SNTB1: variants seen among roughly 807,000 people sequenced by gnomAD.
The protein encoded by SNTB1 is syntrophin beta 1.
SNTB1 carries 36 observed loss-of-function variants against 48.9 expected under a neutral mutation model. The ratio of observed to expected loss-of-function variants is 0.74; its 90% CI spans 0.56 to 0.97. The LOEUF (loss-of-function observed/expected upper bound fraction) is 0.97, where lower values mean the gene tolerates loss of function less well. SNTB1 is among the 50% of genes least tolerant of loss of function. The pLI is 0.00. For missense variants in SNTB1, 786 were observed against 703.4 expected (o/e 1.12, Z -1.33); for synonymous variants, 299 against 294.6 (o/e 1.01, Z -0.15).
chr8:120,706,625 G>A (rs933379323), intron 1 of SNTB1, among the ~76,000 whole-genome samples: 34 of 152,114 alleles, frequency 2.2e-4, no homozygotes, highest in African/African-American at 8.0e-4. Flanking sequence ...TGAGTAACAG[G>A]CAGAAAGGAT....
intron 3 of SNTB1, among the ~76,000 whole-genome samples, chr8:120,604,525 C>T (rs555154250): frequency 6.6e-6 from 1 of 150,438 alleles, no homozygotes; most frequent in East Asian, 2.0e-4. Flanking sequence ...GTGATCTCGA[C>T]TCACTGCAAC....
intron 5 of SNTB1, 95 bp from the exon 6 acceptor site, chr8:120,542,095 G>A (rs1442706715): frequency 1.0e-5 from 8 of 783,968 alleles, no homozygotes; most frequent in South Asian, 7.1e-5. Context: ...CAGTCCCAGC[G>A]ATCAGCTACG....
At chr8:120,664,561 A>G (rs955391297) in intron 2 of SNTB1, among the ~76,000 whole-genome samples, 2 of 152,190 alleles carry the variant, frequency 1.3e-5, no homozygotes, top group African/African-American at 2.4e-5. Context: ...TATTTCACAC[A>G]GCATAATTGT....
rs759383778 is a variant in SNTB1, at chr8:120,537,781, C to A, written c.*1096G>T. On this transcript the variant is annotated 3_prime_UTR_variant, in exon 7 of 7. Coordinates refer to ENST00000517992, the MANE Select transcript of SNTB1 (RefSeq NM_021021.4). ...ATATTCCTGTAGAAAGATATCAGGT[C>A]GTTATATTATTTCCCTGGAATTCTG... is the stretch of plus-strand genomic sequence containing the variant. The A allele has an allele frequency of 6.6e-6, 1 of 152,106 alleles. No individual in the cohort carries two copies. Among genetic ancestry groups the A allele is most frequent in the Non-Finnish European group, 1.5e-5 (1 of 68,022 alleles). The allele number at this position is 152,106 out of a possible 1,614,324, so 9.4% of individuals were successfully genotyped here.
At chr8:120,696,241 A>C (rs1190189857) in intron 1 of SNTB1, among the ~76,000 whole-genome samples, 1 of 152,214 alleles carries the variant, frequency 6.6e-6, no homozygotes, top group African/African-American at 2.4e-5. Context: ...TGAGTGTTGC[A>C]GGAGTGAGAA....
chr8:120,721,877 T>TCCCTCCCCCCCCCCCCCCCC (rs1563580227), intron 1 of SNTB1, among the ~76,000 whole-genome samples: 1 of 142,186 alleles, frequency 7.0e-6, no homozygotes, highest in South Asian at 2.2e-4. Flanking sequence ...CCCAATGCTA[T>TCCCTCCCCCCCCCCCCCCCC]CCCCTCCCCC....
intron 1 of SNTB1, among the ~76,000 whole-genome samples, chr8:120,706,426 C>T (rs6989022): frequency 0.13 from 20,019 of 152,014 alleles, 1,574 homozygotes; most frequent in African/African-American, 0.24. Flanking sequence ...AAAATTTCTA[C>T]AGAATATGAT....
intron 1 of SNTB1, among the ~76,000 whole-genome samples, chr8:120,707,678 G>T (rs980305455): frequency 6.6e-6 from 1 of 152,094 alleles, no homozygotes; most frequent in Non-Finnish European, 1.5e-5. Context: ...GGCAAATCGA[G>T]GTTCATAGAG....
At chr8:120,754,881 T>C (rs1819287352) in intron 1 of SNTB1, among the ~76,000 whole-genome samples, 1 of 152,086 alleles carries the variant, frequency 6.6e-6, no homozygotes, top group Non-Finnish European at 1.5e-5. Flanking sequence ...TTATGGACTG[T>C]AGAGTTGTAA....
intron 1 of SNTB1, among the ~76,000 whole-genome samples, chr8:120,731,294 C>T (rs575103185): frequency 1.3e-5 from 2 of 152,204 alleles, no homozygotes; most frequent in Admixed American, 1.3e-4. Context: ...TCTTAGCTCT[C>T]TTGTTTTTTC....
At chr8:120,582,355 G>A (rs1048040500) in intron 3 of SNTB1, among the ~76,000 whole-genome samples, 1 of 152,024 alleles carries the variant, frequency 6.6e-6, no homozygotes, top group Non-Finnish European at 1.5e-5. Context: ...AATGGTCTCA[G>A]CTTTCACCTT....
At chr8:120,590,089 A>G (rs956154698) in intron 3 of SNTB1, among the ~76,000 whole-genome samples, 2 of 152,198 alleles carry the variant, frequency 1.3e-5, no homozygotes, top group Admixed American at 6.5e-5. Context: ...ATTCCTATGG[A>G]CAGGCTCATC....
intron 1 of SNTB1, among the ~76,000 whole-genome samples, chr8:120,763,578 C>T (rs1819462352): frequency 6.6e-6 from 1 of 152,078 alleles, no homozygotes; most frequent in Non-Finnish European, 1.5e-5. Flanking sequence ...AACTTGACTA[C>T]ATAACAGTTA....
chr8:120,763,637 T>G (rs892870092), intron 1 of SNTB1, among the ~76,000 whole-genome samples: 9 of 152,110 alleles, frequency 5.9e-5, no homozygotes, highest in African/African-American at 2.2e-4. Flanking sequence ...AAAAACCAAA[T>G]GGGAAACATT....
chr8:120,755,190 G>A (rs368095207), intron 1 of SNTB1, among the ~76,000 whole-genome samples: 33 of 149,966 alleles, frequency 2.2e-4, no homozygotes, highest in East Asian at 9.7e-4. Context: ...GAGAGAGAGC[G>A]AGAGAGAGAG....
intron 1 of SNTB1, among the ~76,000 whole-genome samples, chr8:120,790,261 C>G (rs1006476393): frequency 4.6e-5 from 7 of 151,924 alleles, no homozygotes; most frequent in Non-Finnish European, 8.8e-5. Context: ...CCATATATGA[C>G]AAACCCATAG....
intron 6 of SNTB1, among the ~76,000 whole-genome samples, chr8:120,539,668 C>G (rs1815253398): frequency 6.6e-6 from 1 of 152,194 alleles, no homozygotes; most frequent in Admixed American, 6.5e-5. Context: ...TATCACCTGA[C>G]CTAATTTAGG....
At chr8:120,640,983 C>T (rs942791588) in intron 2 of SNTB1, among the ~76,000 whole-genome samples, 7 of 152,078 alleles carry the variant, frequency 4.6e-5, no homozygotes, top group African/African-American at 7.2e-5. Flanking sequence ...TGGTAGAATT[C>T]GGCTGTGAAT....
intron 5 of SNTB1, among the ~76,000 whole-genome samples, chr8:120,542,722 A>G (rs1245818889): frequency 6.6e-6 from 1 of 151,994 alleles, no homozygotes; most frequent in Non-Finnish European, 1.5e-5. Context: ...ACACACACAC[A>G]CACACACGCA....
Sources: gnomAD v4.1 joint callset for allele counts (sites outside exome capture counted in the v4.1 genomes callset) on GRCh38, gnomAD v4.1.1 for gene constraint, MANE v1.5 for transcripts, NCBI Gene and HGNC (gene_info 2026-07-23, HGNC 2026-07-21) for gene names.